ANXA2: variants seen among roughly 807,000 people sequenced by gnomAD.
ANXA2 encodes the protein annexin II.
In ANXA2, 28 loss-of-function variants were observed where a neutral mutation model predicts 47.3. The observed-to-expected ratio is 0.59, with a 90% CI of 0.44 to 0.81. The LOEUF is 0.81. Ranked by LOEUF, ANXA2 falls within the 40% of genes least tolerant of loss-of-function variation. ANXA2 has a pLI of 0.00. For missense variants in ANXA2, 384 were observed against 414.3 expected (o/e 0.93, Z 0.64); for synonymous variants, 172 against 155.5 (o/e 1.11, Z -0.79).
intron 3 of ANXA2, among the ~76,000 whole-genome samples, chr15:60,372,861 AT>A (rs960859591): frequency 6.6e-6 from 1 of 151,912 alleles, no homozygotes; most frequent in African/African-American, 2.4e-5. Context: ...CACCCAGCTA[AT>A]TATTAAAAAT....
intron 3 of ANXA2, among the ~76,000 whole-genome samples, chr15:60,370,214 C>T (rs527642415): frequency 1.1e-4 from 17 of 152,328 alleles, no homozygotes; most frequent in African/African-American, 3.8e-4. Context: ...TAATGCATTG[C>T]ACAAGTGCTA....
intron 3 of ANXA2, among the ~76,000 whole-genome samples, chr15:60,380,378 G>A (rs530137312): frequency 2.6e-5 from 4 of 151,530 alleles, no homozygotes; most frequent in East Asian, 1.9e-4. Context: ...GCTCACATAC[G>A]CTCTCATCCA....
At chr15:60,388,124 G>T (rs1189373586) in intron 1 of ANXA2, among the ~76,000 whole-genome samples, 1 of 151,780 alleles carries the variant, frequency 6.6e-6, no homozygotes. Flanking sequence ...GAAGGCAGAG[G>T]TAGCAGTGAG....
At chr15:60,371,646 TG>T (rs1288618212) in intron 3 of ANXA2, among the ~76,000 whole-genome samples, 1 of 152,096 alleles carries the variant, frequency 6.6e-6, no homozygotes, top group Admixed American at 6.5e-5. Context: ...GGGGTTGACT[TG>T]GAAAACAAAG....
At chr15:60,355,199 G>C (rs2062408478) in intron 7 of ANXA2, among the ~76,000 whole-genome samples, 2 of 152,208 alleles carry the variant, frequency 1.3e-5, no homozygotes, top group South Asian at 2.1e-4. Flanking sequence ...AATGGGGTTT[G>C]AACAGAGGAG....
intron 1 of ANXA2, chr15:60,394,663 C>T (rs1455204621): frequency 2.6e-5 from 4 of 151,576 alleles, no homozygotes; most frequent in Non-Finnish European, 4.4e-5. Context: ...CGTGCGACTA[C>T]ACTCCAGGCT....
intron 4 of ANXA2, 36 bp from the exon 5 acceptor site, chr15:60,361,090 A>G (rs2062505831): frequency 2.8e-6 from 4 of 1,425,604 alleles, no homozygotes; most frequent in Non-Finnish European, 4.0e-6. Flanking sequence ...GAAAATATTT[A>G]TTTTACTTTA....
rs997030715 is a variant in ANXA2 at position 60,352,665 on chromosome 15, G to A, written c.589-189C>T. ...CTTAATCACAAGCAGTCTTCCTTAGGCACAGATGGATACCATATGAGACTG... is the reference window on the plus strand; with the variant it reads ...CTTAATCACAAGCAGTCTTCCTTAGACACAGATGGATACCATATGAGACTG... On this transcript the variant is annotated intron_variant, in intron 8 of 12. Transcript: ENST00000451270. This position sits in a 1 kb window ranked among gnomAD's most constrained non-coding sequence, Gnocchi z 4.2. Among the ~76,000 whole-genome samples the A allele has an allele frequency of 5.3e-5, 8 of 152,188 alleles. No homozygotes were observed. Among genetic ancestry groups the A allele is most frequent in the Non-Finnish European group, 1.0e-4 (7 of 68,036 alleles).
At chr15:60,349,254 C>T (rs1024289816) in intron 11 of ANXA2, 57 bp from the exon 12 acceptor site, 17 of 1,593,456 alleles carry the variant, frequency 1.1e-5, no homozygotes, top group African/African-American at 2.7e-5. Flanking sequence ...TTAAAGAAAG[C>T]GTCTACAGGT....
chr15:60,364,825 T>C (rs750291466), intron 3 of ANXA2, among the ~76,000 whole-genome samples: 1 of 151,880 alleles, frequency 6.6e-6, no homozygotes, highest in African/African-American at 2.4e-5. Context: ...GAGGTGCATA[T>C]GTGGGGCTTT....
chr15:60,349,988 G>A (rs1895927142), intron 11 of ANXA2, among the ~76,000 whole-genome samples: 1 of 930 alleles, frequency 1.1e-3, no homozygotes, highest in Admixed American at 0.011. Context: ...GGGAAGGCAG[G>A]GAGGCAGGGG....
At chr15:60,370,460 G>A (rs1013315120) in intron 3 of ANXA2, among the ~76,000 whole-genome samples, 2 of 152,168 alleles carry the variant, frequency 1.3e-5, no homozygotes, top group African/African-American at 4.8e-5. Flanking sequence ...TCTGCAAATG[G>A]GATTGAACCA....
Position 60,364,539 on chromosome 15 carries a change from T to C in ANXA2, c.149-16A>G, listed in dbSNP as rs116041276. The C allele has an allele frequency of 6.1e-4, 973 of 1,597,628 alleles. 10 individuals carry two copies. In the African/African-American group the frequency reaches 0.012, roughly 19 times the overall value. On this transcript the variant is annotated splice_polypyrimidine_tract_variant and intron_variant, in intron 3 of 12. Coordinates refer to ENST00000451270, the MANE Select transcript of ANXA2 (RefSeq NM_004039.3). ...TCATCCACACCTATGGAAATACAAG[T>C]TGTTAATCGTTACTCAGTATACTCT... is the stretch of plus-strand genomic sequence containing the variant.
intron 3 of ANXA2, among the ~76,000 whole-genome samples, chr15:60,369,333 G>C (rs974854034): frequency 2.0e-5 from 3 of 152,118 alleles, no homozygotes; most frequent in Non-Finnish European, 4.4e-5. Flanking sequence ...AAATTCTATG[G>C]CTCTAGGTTT....
At chr15:60,355,554 G>A (rs1312765204) in intron 7 of ANXA2, 4 of 349,654 alleles carry the variant, frequency 1.1e-5, no homozygotes, top group South Asian at 2.5e-5. Flanking sequence ...AGAAGTAAAC[G>A]CAGTGAAAAA....
At chr15:60,356,068 T>C in intron 6 of ANXA2, 70 bp from the exon 7 acceptor site, 4 of 1,194,368 alleles carry the variant, frequency 3.3e-6, no homozygotes, top group Non-Finnish European at 5.0e-6. Flanking sequence ...AATCTCCCCA[T>C]TTCCCACTAA....
At chr15:60,365,051 T>C (rs1191058027) in intron 3 of ANXA2, among the ~76,000 whole-genome samples, 3 of 146,462 alleles carry the variant, frequency 2.0e-5, no homozygotes, top group Non-Finnish European at 4.5e-5. Context: ...AACACGGCAG[T>C]TGTATTTTTA....
At position 60,377,580 on chromosome 15, in the gene ANXA2, G is replaced by A. The variant is rs1363764048; in HGVS notation, c.148+4762C>T. Among the ~76,000 whole-genome samples, 9 of 152,234 alleles carry A rather than the reference G, an allele frequency of 5.9e-5. No homozygotes were observed. In the East Asian group the frequency reaches 1.7e-3, roughly 29 times the overall value. On this transcript the variant is annotated intron_variant, in intron 3 of 12. Coordinates refer to ENST00000451270, the MANE Select transcript of ANXA2 (RefSeq NM_004039.3). The stretch of plus-strand genomic sequence containing the variant: ...AAAGTGTGATTATATTATATTAAGT[G>A]TGTAATAGCATTATGTCTAAAAAAC...
At chr15:60,377,574 TTAAG>T (rs996107397) in intron 3 of ANXA2, among the ~76,000 whole-genome samples, 5 of 152,180 alleles carry the variant, frequency 3.3e-5, no homozygotes, top group African/African-American at 1.2e-4. Context: ...TTATATTATA[TTAAG>T]TGTGTAATAG....
Sources: gnomAD v4.1 joint callset for allele counts (sites outside exome capture counted in the v4.1 genomes callset) on GRCh38, gnomAD v4.1.1 for gene constraint, Gnocchi (gnomAD v3.1) non-coding constraint, MANE v1.5 for transcripts, NCBI Gene and HGNC (gene_info 2026-07-23, HGNC 2026-07-21) for gene names.